Variants in MORC3 observed in about 807,000 individuals in gnomAD.
The protein encoded by MORC3 is MORC family CW-type zinc finger 3.
In MORC3, 31 loss-of-function variants were observed where a neutral mutation model predicts 109.1. That is an observed-to-expected ratio of 0.28 (90% confidence interval 0.21 to 0.38). The LOEUF (loss-of-function observed/expected upper bound fraction) is 0.38, where lower values mean the gene tolerates loss of function less well. Ranked by LOEUF, MORC3 falls within the 10% of genes least tolerant of loss-of-function variation. MORC3 has a pLI of 1.00. For synonymous variants in MORC3, 395 were observed against 380.7 expected (o/e 1.04, Z -0.44); for missense variants, 867 against 1,135.8 (o/e 0.76, Z 3.40).
rs202025634 is a variant in MORC3 at position 36,320,280 on chromosome 21, C to A, written c.16C>A (p.Pro6Thr). Reference protein sequence around the residue: MAAQPPRGIRLSALCP... With the variant: MAAQPTRGIRLSALCP... Reference sequence around the variant, plus strand: ...CTCGCTCAAGATGGCGGCGCAGCCACCCCGCGGGATACGCCTCAGCGCGGT... The same window carrying A: ...CTCGCTCAAGATGGCGGCGCAGCCAACCCGCGGGATACGCCTCAGCGCGGT... Residue 6 changes from proline (P) to threonine (T), a missense_variant, in exon 1 of 17, where the codon CCC becomes ACC. Pro to Thr is a conservative substitution (Grantham distance 38). Transcript: ENST00000400485. 568 of 1,579,776 alleles carry A rather than the reference C, an allele frequency of 3.6e-4. 3 individuals carry two copies. The African/African-American group carries it at 6.7e-3, about 19-fold the overall frequency.
At chr21:36,367,963 T>G (rs2085801179) in intron 14 of MORC3, among the ~76,000 whole-genome samples, 1 of 152,208 alleles carries the variant, frequency 6.6e-6, no homozygotes, top group African/African-American at 2.4e-5. Context: ...TTTGCGTTTG[T>G]TATGTTCTGT....
In MORC3 at chr21:36,369,086, A is replaced by G; in HGVS notation, c.1718A>G (p.Asp573Gly). The change falls in exon 15 of 17, where the codon GAT (aspartate) becomes GGT (glycine). Residue 573 changes from aspartate (D) to glycine (G), a missense_variant. Asp to Gly is a moderately conservative substitution (Grantham distance 94). Around this residue, in one of 7 missense-constraint regions of MORC3, gnomAD observed 486 missense variants for 502.1 expected, o/e 0.97. Transcript: ENST00000400485. Reference protein sequence around the residue: ...FENSVYKGDDDDEDVIILEEN... With the variant: ...FENSVYKGDDGDEDVIILEEN... ...AATTCAGTTTATAAAGGTGATGATG[A>G]TGATGAAGATGTCATCATCTTAGAA... 1 of 1,614,138 alleles carries G rather than the reference A, an allele frequency of 6.2e-7. No individual in the cohort carries two copies. The highest frequency in any genetic ancestry group is 8.5e-7 in the Non-Finnish European group (1 of 1,180,030).
intron 16 of MORC3, among the ~76,000 whole-genome samples, chr21:36,373,486 G>T (rs1378838854): frequency 6.6e-6 from 1 of 151,990 alleles, no homozygotes; most frequent in Non-Finnish European, 1.5e-5. Flanking sequence ...AGCTTGGCAT[G>T]GTGGTGCACA....
chr21:36,358,249 G>GAT (rs2085668810), intron 10 of MORC3, among the ~76,000 whole-genome samples: 1 of 151,916 alleles, frequency 6.6e-6, no homozygotes, highest in Non-Finnish European at 1.5e-5. Flanking sequence ...GCCAGGCATA[G>GAT]TGGTGCACAC....
chr21:36,343,547 C>T (rs2085475363), intron 6 of MORC3, among the ~76,000 whole-genome samples: 1 of 149,954 alleles, frequency 6.7e-6, no homozygotes, highest in Non-Finnish European at 1.5e-5. Flanking sequence ...CTCCTGGGTT[C>T]AAGCGATTCT....
At chr21:36,370,050 G>C (rs918432447) in intron 15 of MORC3, among the ~76,000 whole-genome samples, 174 bp downstream of exon 15, 2 of 152,118 alleles carry the variant, frequency 1.3e-5, no homozygotes, top group African/African-American at 4.8e-5. Flanking sequence ...TGGACAAAAT[G>C]GTGAAACCCC....
chr21:36,361,904 T>C, intron 12 of MORC3: 1 of 437,862 alleles, frequency 2.3e-6, no homozygotes, highest in Non-Finnish European at 4.1e-6. Flanking sequence ...TGTGATGTTC[T>C]AGTTCAAAAG....
intron 12 of MORC3, 195 bp from the exon 13 acceptor site, chr21:36,361,988 A>G: frequency 1.5e-6 from 1 of 645,816 alleles, no homozygotes; most frequent in East Asian, 2.8e-5. Flanking sequence ...TATACCGGTG[A>G]GGATGGAAAA....
chr21:36,356,588 T>C (rs201866588), intron 9 of MORC3, 32 bp from the exon 10 acceptor site: 37,022 of 1,387,944 alleles, frequency 0.027, 701 homozygotes, highest in Non-Finnish European at 0.03. Context: ...TTGAAAAGAA[T>C]TTTTTCTTGA....
intron 8 of MORC3, among the ~76,000 whole-genome samples, chr21:36,345,846 C>T (rs953678684): frequency 1.8e-4 from 27 of 151,554 alleles, no homozygotes; most frequent in African/African-American, 5.6e-4. Context: ...TGTGAGCCAC[C>T]GCGCCCGGCT....
intron 9 of MORC3, 27 bp from the exon 10 acceptor site, chr21:36,356,593 T>TTTTGA: frequency 1.3e-6 from 1 of 760,796 alleles, no homozygotes; most frequent in Non-Finnish European, 1.8e-6. Flanking sequence ...AAGAATTTTT[T>TTTTGA]CTTGATTTTA....
At chr21:36,340,297 A>G (rs770641159) in intron 5 of MORC3, among the ~76,000 whole-genome samples, 69 of 148,878 alleles carry the variant, frequency 4.6e-4, no homozygotes, top group Non-Finnish European at 8.5e-4. Flanking sequence ...AAAAAAAACT[A>G]TAGTACAGTA....
chr21:36,369,179 A>T lies in MORC3; in HGVS notation c.1811A>T (p.Glu604Val). The change falls in exon 15 of 17, where the codon GAG becomes GTG. Residue 604 changes from glutamate to valine, a missense_variant. Around this residue, in one of 7 missense-constraint regions of MORC3, gnomAD observed 486 missense variants for 502.1 expected, o/e 0.97. Coordinates refer to ENST00000400485, the MANE Select transcript of MORC3 (RefSeq NM_015358.3). ...IDMKSEQSHV[E>V]QGGVQVEFVG... ...ATGAAATCAGAACAGAGTCACGTTG[A>T]GCAAGGTGGTGTTCAGGTTGAGTTT... is the stretch of plus-strand genomic sequence containing the variant. 6.2e-7 allele frequency: 1 copy of T among 1,614,196 alleles called. No homozygotes were observed. The highest frequency in any genetic ancestry group is 8.5e-7 in the Non-Finnish European group (1 of 1,180,036).
chr21:36,342,871 T>A (rs1238181994), intron 6 of MORC3, among the ~76,000 whole-genome samples: 3 of 151,316 alleles, frequency 2.0e-5, no homozygotes, highest in Non-Finnish European at 4.4e-5. Flanking sequence ...ATAGAAAAAT[T>A]AGCTGGGCAC....
At position 36,369,699 on chromosome 21, in the gene MORC3, GGAAGAAATA is replaced by G. The variant is rs1451120425; in HGVS notation, c.2335_2343del (p.Glu779_Glu781del). Reference sequence around the variant, plus strand: ...TGGTATCTCAGTATCAGCAAGCTTTGGAAGAAATAGAAAGGCTGAAAAAACAATGTAGTG... The same window carrying G: ...TGGTATCTCAGTATCAGCAAGCTTTGGAAAGGCTGAAAAAACAATGTAGTG... On this transcript the variant is annotated inframe_deletion, in exon 15 of 17. Transcript: ENST00000400485. 6.2e-7 allele frequency: 1 copy of G among 1,614,144 alleles called. No individual in the cohort carries two copies. Among genetic ancestry groups the G allele is most frequent in the East Asian group, 2.2e-5 (1 of 44,892 alleles).
chr21:36,323,495 A>T (rs1001422894), intron 1 of MORC3, among the ~76,000 whole-genome samples: 3 of 152,072 alleles, frequency 2.0e-5, no homozygotes, highest in Non-Finnish European at 4.4e-5. Context: ...GTGGTGGAGA[A>T]TATCCACCAC....
chr21:36,340,277 CAAA>C (rs1346689464), intron 5 of MORC3, among the ~76,000 whole-genome samples: 1 of 90,172 alleles, frequency 1.1e-5, no homozygotes. Flanking sequence ...GACTCTGTCT[CAAA>C]AAAAAAAAAA....
At chr21:36,339,676 G>A (rs2085418523) in intron 5 of MORC3, 1 of 152,000 alleles carries the variant, frequency 6.6e-6, no homozygotes, top group Non-Finnish European at 1.5e-5. Flanking sequence ...CTTTATCTTT[G>A]TGAGGATAAA....
In MORC3 at chr21:36,371,815, GTTTTT is replaced by G. The variant is rs545030354; in HGVS notation, c.2509-548_2509-544del. Among the ~76,000 whole-genome samples, 159 of 124,302 alleles carry G rather than the reference GTTTTT, an allele frequency of 1.3e-3. 6 individuals carry two copies. The South Asian group carries it at 0.033, about 26-fold the overall frequency. 81.5% of individuals were successfully genotyped at this position (124,302 alleles called of 152,430 possible). A position where few individuals can be genotyped will look rare whatever the true frequency, so the allele number is the denominator to read the frequency against. Reference sequence around the variant, plus strand: ...TGGTTTTTCTGTTTTGTTTTGTTTTGTTTTTTTTTTTTTTTGAGATGGAACTTCGC... The same window carrying G: ...TGGTTTTTCTGTTTTGTTTTGTTTTGTTTTTTTTTTGAGATGGAACTTCGC... On this transcript the variant is annotated intron_variant, in intron 15 of 16. Coordinates refer to ENST00000400485, the MANE Select transcript of MORC3 (RefSeq NM_015358.3).
Sources: allele counts gnomAD v4.1 joint callset (sites outside exome capture counted in the v4.1 genomes callset), GRCh38; gene constraint gnomAD v4.1.1; regional missense constraint gnomAD v4.1.1; transcripts MANE v1.5; gene names NCBI Gene and HGNC (gene_info 2026-07-23, HGNC 2026-07-21).